The following GPR34 variants were observed in gnomAD, a reference collection of about 807,000 sequenced individuals.
GPR34 encodes probable G protein-coupled receptor 34.
GPR34 carries 3 observed loss-of-function variants against 14.1 expected under a neutral mutation model. The observed-to-expected ratio is 0.21, with a 90% CI of 0.10 to 0.55. GPR34 has a LOEUF of 0.55. Among genes scored for constraint, GPR34 ranks in the 20% least tolerant of loss-of-function variants. The pLI is 0.94. For missense variants in GPR34, 213 were observed against 292.8 expected (o/e 0.73, Z 1.99); for synonymous variants, 99 against 99.9 (o/e 0.99, Z 0.05).
chrX:41,690,576 G>A (rs763922109), intron 2 of GPR34, among the ~76,000 whole-genome samples: 2 of 107,328 alleles, frequency 1.9e-5, no homozygotes, highest in East Asian at 5.8e-4. Context: ...GGCCAGGCTG[G>A]TCTCGAATTC....
intron 2 of GPR34, among the ~76,000 whole-genome samples, chrX:41,691,632 G>A (rs1237506806): frequency 9.2e-6 from 1 of 109,003 alleles, no homozygotes; most frequent in African/African-American, 3.3e-5. Flanking sequence ...GCAGAGGCGG[G>A]CGGAAAATGA....
At chrX:41,694,348 G>C (rs1021451610) in intron 2 of GPR34, among the ~76,000 whole-genome samples, 6 of 111,887 alleles carry the variant, frequency 5.4e-5, no homozygotes, top group African/African-American at 2.0e-4. Context: ...CTAAGTGGCT[G>C]CTGTAGAGAA....
chrX:41,696,362 G>T lies in GPR34; in HGVS notation c.729G>T (p.Lys243Asn). The T allele has an allele frequency of 8.5e-7, 1 of 1,173,608 alleles. No individual in the cohort carries two copies. Among genetic ancestry groups the T allele is most frequent in the Non-Finnish European group, 1.1e-6 (1 of 875,597 alleles). Residue 243 changes from lysine to asparagine, a missense_variant, in exon 3 of 3, where the codon AAG becomes AAT. Transcript: ENST00000378142. ...LIILSYIKIG[K>N]NLLRISKRRS... is the part of the protein sequence containing the mutation. ...TCCTTTCATATATTAAGATTGGGAA[G>T]AATCTATTGAGGATTTCTAAAAGGA...
At chrX:41,692,849 C>T (rs929910488) in intron 2 of GPR34, among the ~76,000 whole-genome samples, 2 of 112,081 alleles carry the variant, frequency 1.8e-5, no homozygotes, top group African/African-American at 3.2e-5. Context: ...CACCACACTA[C>T]GCTAGTGATA....
Position 41,696,573 on chromosome X carries a change from G to T in GPR34, c.940G>T (p.Val314Phe). Residue 314 changes from valine to phenylalanine, a missense_variant, in exon 3 of 3, where the codon GTT becomes TTT. Transcript: ENST00000378142. ...TCACAAAACCAATGAGATCATGCTG[G>T]TTCTCTCATCTTTCAATAGTTGCTT... is the stretch of plus-strand genomic sequence containing the variant. ...IVHKTNEIMLVLSSFNSCLDP... is the reference protein window; with the variant it reads ...IVHKTNEIMLFLSSFNSCLDP... The T allele has an allele frequency of 1.7e-6, 2 of 1,207,095 alleles. No homozygotes were observed. The highest frequency in any genetic ancestry group is 2.2e-6 in the Non-Finnish European group (2 of 891,608).
chrX:41,695,872 T>C lies in GPR34; in HGVS notation c.239T>C (p.Leu80Pro). 3 of 1,208,145 alleles carry C rather than the reference T, an allele frequency of 2.5e-6. No homozygotes were observed. Among genetic ancestry groups the C allele is most frequent in the Non-Finnish European group, 3.4e-6 (3 of 892,082 alleles). ...AACATAATCGCCCTCTATGTATTTC[T>C]GGGTATTCACCGTAAAAGAAATTCC... ...VGNIIALYVF[L>P]GIHRKRNSIQ... The change falls in exon 3 of 3, where the codon CTG becomes CCG. Residue 80 changes from leucine to proline, a missense_variant. By Grantham distance (98) the Leu-to-Pro change is moderately conservative. Transcript: ENST00000378142.
intron 2 of GPR34, among the ~76,000 whole-genome samples, chrX:41,691,629 C>T (rs1185632180): frequency 9.2e-6 from 1 of 108,681 alleles, no homozygotes; most frequent in Non-Finnish European, 1.9e-5. Flanking sequence ...GAGGCAGAGG[C>T]GGGCGGAAAA....
chrX:41,691,185 T>C (rs975757681), intron 2 of GPR34, among the ~76,000 whole-genome samples: 3 of 112,196 alleles, frequency 2.7e-5, no homozygotes, highest in Non-Finnish European at 5.6e-5. Context: ...TCAGGATATG[T>C]GCTTTGTGCT....
intron 2 of GPR34, among the ~76,000 whole-genome samples, chrX:41,690,776 C>T (rs1035827480): frequency 2.8e-5 from 3 of 107,966 alleles, no homozygotes; most frequent in Non-Finnish European, 5.7e-5. Context: ...CAGGCTCAAG[C>T]GATCCTCCCA....
intron 2 of GPR34, among the ~76,000 whole-genome samples, chrX:41,693,925 C>A (rs919509107): frequency 1.8e-5 from 2 of 111,907 alleles, no homozygotes; most frequent in Non-Finnish European, 3.8e-5. Context: ...TGTTTTTAAT[C>A]AAATTATGTG....
intron 2 of GPR34, among the ~76,000 whole-genome samples, chrX:41,694,941 C>T (rs2147577283): frequency 8.9e-6 from 1 of 111,943 alleles, no homozygotes; most frequent in South Asian, 3.7e-4. Context: ...AAAGTCAAGG[C>T]AGGAAGTGGT....
intron 2 of GPR34, among the ~76,000 whole-genome samples, chrX:41,693,429 C>T (rs1393878088): frequency 9.0e-6 from 1 of 110,802 alleles, no homozygotes; most frequent in African/African-American, 3.3e-5. Flanking sequence ...GCCTGGCCAA[C>T]GTGGTGAAAC....
At chrX:41,693,747 C>T (rs2067624832) in intron 2 of GPR34, among the ~76,000 whole-genome samples, 1 of 111,777 alleles carries the variant, frequency 8.9e-6, no homozygotes, top group Non-Finnish European at 1.9e-5. Flanking sequence ...AGACTCAGTC[C>T]TTCCCCGCTC....
intron 2 of GPR34, among the ~76,000 whole-genome samples, chrX:41,693,025 T>C (rs1011593919): frequency 9.0e-6 from 1 of 111,696 alleles, no homozygotes; most frequent in East Asian, 2.8e-4. Flanking sequence ...CCGAACAAAA[T>C]TGACTTGGTT....
At position 41,696,451 on chromosome X, in the gene GPR34, T is replaced by C. The variant is rs777149127; in HGVS notation, c.818T>C (p.Ile273Thr). 9 of 1,198,664 alleles carry C rather than the reference T, an allele frequency of 7.5e-6. No homozygotes were observed. Among genetic ancestry groups the C allele is most frequent in the Admixed American group, 6.6e-5 (3 of 45,257 alleles). The change falls in exon 3 of 3, where the codon ATC becomes ACC. Residue 273 changes from isoleucine (I) to threonine (T), a missense_variant. Transcript: ENST00000378142. ...GCTCGTAACTCCTTTATTGTACTTATCATTTTTACTATATGTTTTGTTCCC... is the reference window on the plus strand; with the variant it reads ...GCTCGTAACTCCTTTATTGTACTTACCATTTTTACTATATGTTTTGTTCCC... ...TTARNSFIVL[I>T]IFTICFVPYH...
chrX:41,693,506 C>G (rs963959618), intron 2 of GPR34, among the ~76,000 whole-genome samples: 2 of 110,627 alleles, frequency 1.8e-5, no homozygotes, highest in Admixed American at 9.7e-5. Flanking sequence ...CCCAGCTACT[C>G]GGGAGGCTGA....
chrX:41,693,326 A>G (rs2067612404), intron 2 of GPR34, among the ~76,000 whole-genome samples: 1 of 111,640 alleles, frequency 9.0e-6, no homozygotes, highest in Non-Finnish European at 1.9e-5. Flanking sequence ...AGAATCTTAG[A>G]TCACAGGTTG....
At chrX:41,691,260 G>C (rs764823038) in intron 2 of GPR34, among the ~76,000 whole-genome samples, 1 of 111,843 alleles carries the variant, frequency 8.9e-6, no homozygotes, top group East Asian at 2.8e-4. Context: ...GATATGCTCT[G>C]TGGGTAGTGG....
At chrX:41,693,280 T>C (rs148047565) in intron 2 of GPR34, among the ~76,000 whole-genome samples, 1,569 of 111,195 alleles carry the variant, frequency 0.014, 12 homozygotes, top group Non-Finnish European at 0.022. Flanking sequence ...TCATTTTTGG[T>C]AGCCTGACAT....
Sources: allele counts gnomAD v4.1 joint callset (sites outside exome capture counted in the v4.1 genomes callset), GRCh38; gene constraint gnomAD v4.1.1; transcripts MANE v1.5; gene names NCBI Gene and HGNC (gene_info 2026-07-23, HGNC 2026-07-21).